The following UST variants were observed in gnomAD, a reference collection of about 807,000 sequenced individuals.
UST encodes the protein uronyl 2-sulfotransferase.
UST carries 21 observed loss-of-function variants against 45.6 expected under a neutral mutation model. The ratio of observed to expected loss-of-function variants is 0.46; its 90% CI spans 0.33 to 0.66. The LOEUF is 0.66. Among genes scored for constraint, UST ranks in the 30% least tolerant of loss-of-function variants. The probability of loss-of-function intolerance (pLI) is 0.02; values close to 1 mark genes in which losing one functional copy is unlikely to be tolerated. For synonymous variants in UST, 215 were observed against 200.6 expected (o/e 1.07, Z -0.61); for missense variants, 463 against 512.4 (o/e 0.90, Z 0.93).
chr6:148,783,841 A>G (rs908364746), intron 1 of UST, among the ~76,000 whole-genome samples: 1 of 152,176 alleles, frequency 6.6e-6, no homozygotes, highest in African/African-American at 2.4e-5. Context: ...TTCTGTCCCC[A>G]GGGGGTTGGG....
At chr6:148,831,585 C>CCTA (rs1399275189) in intron 1 of UST, among the ~76,000 whole-genome samples, 1 of 152,060 alleles carries the variant, frequency 6.6e-6, no homozygotes, top group Non-Finnish European at 1.5e-5. Flanking sequence ...GTCATATAAT[C>CCTA]CTAACAGTAA....
At chr6:148,926,949 G>GT (rs5880818) in intron 2 of UST, among the ~76,000 whole-genome samples, 41,621 of 150,802 alleles carry the variant, frequency 0.28, 6,523 homozygotes, top group African/African-American at 0.43. Context: ...TTGAAAAAAT[G>GT]TTTTTTTTTC....
At chr6:148,903,623 C>T (rs796296205) in intron 2 of UST, among the ~76,000 whole-genome samples, 14 of 152,260 alleles carry the variant, frequency 9.2e-5, no homozygotes, top group African/African-American at 2.4e-4. Context: ...CAGTTTGAGA[C>T]GTGCAGACAG....
intron 1 of UST, among the ~76,000 whole-genome samples, chr6:148,778,517 G>A (rs946541714): frequency 6.6e-6 from 1 of 152,150 alleles, no homozygotes; most frequent in African/African-American, 2.4e-5. Flanking sequence ...TTCCTGAGGC[G>A]AACACTGGCA....
At chr6:148,987,091 T>G (rs1781251559) in intron 5 of UST, among the ~76,000 whole-genome samples, 1 of 131,544 alleles carries the variant, frequency 7.6e-6, no homozygotes, top group Non-Finnish European at 1.8e-5. Flanking sequence ...AACCTCAAGA[T>G]GACCATTTAA....
chr6:149,067,852 A>G (rs778851451), intron 7 of UST, among the ~76,000 whole-genome samples: 2 of 152,216 alleles, frequency 1.3e-5, no homozygotes, highest in African/African-American at 4.8e-5. Flanking sequence ...CATGGTAAAT[A>G]CTAGGTCAAT....
At chr6:148,831,152 C>G (rs1777679770) in intron 1 of UST, among the ~76,000 whole-genome samples, 1 of 152,056 alleles carries the variant, frequency 6.6e-6, no homozygotes, top group Non-Finnish European at 1.5e-5. Flanking sequence ...ACACATTGCC[C>G]TTTGTGCCCT....
At chr6:148,970,978 C>A (rs1780903318) in intron 5 of UST, among the ~76,000 whole-genome samples, 1 of 152,202 alleles carries the variant, frequency 6.6e-6, no homozygotes, top group South Asian at 2.1e-4. Flanking sequence ...TACAAGGTAA[C>A]ATATTCACAG....
At chr6:148,958,008 T>G (rs1460777286) in intron 4 of UST, among the ~76,000 whole-genome samples, 2 of 152,208 alleles carry the variant, frequency 1.3e-5, no homozygotes, top group African/African-American at 2.4e-5. Context: ...CCCCACACTT[T>G]TTTTGCACAC....
At chr6:149,032,041 C>T (rs554898444) in intron 7 of UST, among the ~76,000 whole-genome samples, 3 of 152,312 alleles carry the variant, frequency 2.0e-5, no homozygotes, top group East Asian at 1.9e-4. Context: ...CCCCTGCCTG[C>T]GGACCCAGCC....
intron 5 of UST, among the ~76,000 whole-genome samples, chr6:148,999,618 C>T (rs1267216667): frequency 6.6e-6 from 1 of 151,714 alleles, no homozygotes; most frequent in Non-Finnish European, 1.5e-5. Flanking sequence ...TGTTTGATGT[C>T]TGACTTAAAC....
Position 148,759,671 on chromosome 6 carries a change from AC to A in UST, c.247+11998del, listed in dbSNP as rs560046880. On this transcript the variant is annotated intron_variant, in intron 1 of 7. Coordinates refer to ENST00000367463, the MANE Select transcript of UST (RefSeq NM_005715.3). ...AGACCGTCCTGGCTAACACGGTGAA[AC>A]CCCGTCTGTACTAAAAATACAAAAA... Among the ~76,000 whole-genome samples, 422 of 148,520 alleles carry A rather than the reference AC, an allele frequency of 2.8e-3. 4 individuals carry two copies. The highest frequency in any genetic ancestry group is 9.9e-3 in the African/African-American group (396 of 40,144).
chr6:148,986,692 T>C (rs1191804098), intron 5 of UST, among the ~76,000 whole-genome samples: 1 of 152,256 alleles, frequency 6.6e-6, no homozygotes, highest in Non-Finnish European at 1.5e-5. Flanking sequence ...ATTGGCTTCA[T>C]GATTCCCTGA....
Position 148,946,278 on chromosome 6 carries a change from G to T in UST, c.447+4844G>T, listed in dbSNP as rs972354663. 2.0e-5 allele frequency among the ~76,000 whole-genome samples: 3 copies of T among 152,124 alleles called. No individual in the cohort carries two copies. In the South Asian group the frequency reaches 6.2e-4, roughly 32 times the overall value. On this transcript the variant is annotated intron_variant, in intron 3 of 7. Coordinates refer to ENST00000367463, the MANE Select transcript of UST (RefSeq NM_005715.3). ...TGTAATCCCAGCACTCTGGGAGGCC[G>T]AGGCGGTGGATCACCTGAGGTCAGG...
chr6:148,967,436 G>T (rs1417519574), intron 5 of UST, among the ~76,000 whole-genome samples: 1 of 152,196 alleles, frequency 6.6e-6, no homozygotes, highest in African/African-American at 2.4e-5. Context: ...TCAAAGGATA[G>T]TTTGTTTATT....
intron 1 of UST, among the ~76,000 whole-genome samples, chr6:148,867,501 C>T (rs145270042): frequency 3.5e-4 from 53 of 151,936 alleles, no homozygotes; most frequent in Admixed American, 7.9e-4. Flanking sequence ...TGGCTGTGTC[C>T]CCATCCAAAT....
intron 7 of UST, among the ~76,000 whole-genome samples, chr6:149,056,122 T>C (rs9390654): frequency 4.0e-4 from 26 of 65,454 alleles, no homozygotes; most frequent in Admixed American, 7.5e-4. Flanking sequence ...CTTTTCTTTT[T>C]TTTTTTTTTT....
intron 5 of UST, among the ~76,000 whole-genome samples, chr6:148,997,972 C>T (rs1229986771): frequency 2.0e-5 from 3 of 152,164 alleles, no homozygotes; most frequent in African/African-American, 7.2e-5. Context: ...CTGTTTATAC[C>T]CTGGATAACC....
At chr6:149,043,177 C>T (rs754643501) in intron 7 of UST, among the ~76,000 whole-genome samples, 16 of 151,422 alleles carry the variant, frequency 1.1e-4, no homozygotes, top group Non-Finnish European at 2.2e-4. Flanking sequence ...GGCATGATCT[C>T]GGCTCACTGC....
Sources: allele counts gnomAD v4.1 joint callset (sites outside exome capture counted in the v4.1 genomes callset), GRCh38; gene constraint gnomAD v4.1.1; transcripts MANE v1.5; gene names NCBI Gene and HGNC (gene_info 2026-07-23, HGNC 2026-07-21).